LRRTM4: variants seen among roughly 807,000 people sequenced by gnomAD.
The protein encoded by LRRTM4 is leucine-rich repeat transmembrane neuronal protein 4.
A neutral mutation model predicts 47.6 loss-of-function variants in LRRTM4; 25 were observed. The ratio of observed to expected loss-of-function variants is 0.53; its 90% CI spans 0.38 to 0.73. The LOEUF (loss-of-function observed/expected upper bound fraction) is 0.73, where lower values mean the gene tolerates loss of function less well. LRRTM4 is among the 30% of genes least tolerant of loss of function. The pLI is 0.00. For synonymous variants in LRRTM4, 311 were observed against 269.5 expected (o/e 1.15, Z -1.51); for missense variants, 638 against 713.4 (o/e 0.89, Z 1.20).
At chr2:76,873,175 A>G (rs977779362) in intron 3 of LRRTM4, among the ~76,000 whole-genome samples, 2 of 152,256 alleles carry the variant, frequency 1.3e-5, no homozygotes, top group Non-Finnish European at 2.9e-5. Context: ...CTTTGTAGAC[A>G]GTGCTGATGT....
intron 3 of LRRTM4, among the ~76,000 whole-genome samples, chr2:76,874,116 T>A (rs1216604867): frequency 1.3e-5 from 2 of 152,014 alleles, no homozygotes; most frequent in South Asian, 2.1e-4. Flanking sequence ...GTCTGCTTTT[T>A]TTTTTTCTCG....
rs548444780 is a variant in LRRTM4, at chr2:77,044,504, A to T, written c.1552-295588T>A. ...TTGACATTCAAATGTTTCTTATAATAATGTATTTTTCTAAACATATGCAGA... is the reference window on the plus strand; with the variant it reads ...TTGACATTCAAATGTTTCTTATAATTATGTATTTTTCTAAACATATGCAGA... On this transcript the variant is annotated intron_variant, in intron 3 of 3. Transcript: ENST00000409884. 2.3e-4 allele frequency among the ~76,000 whole-genome samples: 35 copies of T among 151,816 alleles called. 1 individual carries two copies. The East Asian group carries it at 6.8e-3, about 29-fold the overall frequency.
At chr2:77,212,134 T>C (rs1674308375) in intron 3 of LRRTM4, among the ~76,000 whole-genome samples, 2 of 152,054 alleles carry the variant, frequency 1.3e-5, no homozygotes, top group Admixed American at 6.6e-5. Context: ...AAAAACATAC[T>C]ATTGAGCATT....
At chr2:77,314,143 T>C (rs1677551521) in intron 3 of LRRTM4, among the ~76,000 whole-genome samples, 1 of 152,198 alleles carries the variant, frequency 6.6e-6, no homozygotes, top group Non-Finnish European at 1.5e-5. Context: ...GTTTATCATA[T>C]TCAAAGCTTC....
intron 3 of LRRTM4, chr2:76,987,428 C>T (rs1448522914): frequency 6.6e-6 from 1 of 151,720 alleles, no homozygotes; most frequent in Non-Finnish European, 1.5e-5. Flanking sequence ...GCAGTGATTT[C>T]CAAATGGGAG....
chr2:77,336,164 AAAGGAAGG>A (rs771537486), intron 3 of LRRTM4, among the ~76,000 whole-genome samples: 101 of 148,720 alleles, frequency 6.8e-4, no homozygotes, highest in Middle Eastern at 6.9e-3. Context: ...AGGGAGAAAG[AAAGGAAGG>A]AAGGAAGGAA....
At chr2:77,191,728 T>C (rs967157550) in intron 3 of LRRTM4, among the ~76,000 whole-genome samples, 3 of 152,030 alleles carry the variant, frequency 2.0e-5, no homozygotes, top group Admixed American at 6.5e-5. Flanking sequence ...AATTATCATA[T>C]GGAAGATTTG....
chr2:76,757,817 C>G (rs1467270671), intron 3 of LRRTM4, among the ~76,000 whole-genome samples: 1 of 152,130 alleles, frequency 6.6e-6, no homozygotes, highest in African/African-American at 2.4e-5. Context: ...ATTACTTGGG[C>G]ACAAATTCCC....
chr2:77,449,852 G>A (rs555050431), intron 3 of LRRTM4, among the ~76,000 whole-genome samples: 9 of 152,222 alleles, frequency 5.9e-5, no homozygotes, highest in South Asian at 4.1e-4. Context: ...CTCAATTCCC[G>A]TCTCTCCAGC....
At chr2:77,090,688 T>C (rs12618013) in intron 3 of LRRTM4, among the ~76,000 whole-genome samples, 38,774 of 151,990 alleles carry the variant, frequency 0.26, 8,518 homozygotes, top group African/African-American at 0.57. Context: ...CCAAGGAATG[T>C]CTGCAGCCCA....
chr2:77,085,257 A>T (rs967187916), intron 3 of LRRTM4, among the ~76,000 whole-genome samples: 1 of 151,962 alleles, frequency 6.6e-6, no homozygotes, highest in Non-Finnish European at 1.5e-5. Flanking sequence ...TGATACATTA[A>T]TTTCATAGTA....
At chr2:76,772,022 A>G (rs895797848) in intron 3 of LRRTM4, among the ~76,000 whole-genome samples, 3 of 152,222 alleles carry the variant, frequency 2.0e-5, no homozygotes, top group Non-Finnish European at 2.9e-5. Flanking sequence ...TTATGTAAGA[A>G]TGGTGTTATG....
intron 3 of LRRTM4, among the ~76,000 whole-genome samples, chr2:76,950,270 T>C (rs887227720): frequency 2.0e-5 from 3 of 151,958 alleles, no homozygotes; most frequent in Non-Finnish European, 4.4e-5. Flanking sequence ...AAGGTCTCTA[T>C]GGTAATGTTA....
At position 77,017,171 on chromosome 2, in the gene LRRTM4, G is replaced by A. The variant is rs190656974; in HGVS notation, c.1552-268255C>T. Among the ~76,000 whole-genome samples, 327 of 152,058 alleles carry A rather than the reference G, an allele frequency of 2.2e-3. 1 individual carries two copies. Among genetic ancestry groups the A allele is most frequent in the African/African-American group, 7.3e-3 (304 of 41,506 alleles). Reference sequence around the variant, plus strand: ...ACATCAACATAGATGAGGACATCACGGCCACAGAGATAAAGTGTGATATCC... The same window carrying A: ...ACATCAACATAGATGAGGACATCACAGCCACAGAGATAAAGTGTGATATCC... On this transcript the variant is annotated intron_variant, in intron 3 of 3. Transcript: ENST00000409884.
intron 3 of LRRTM4, among the ~76,000 whole-genome samples, chr2:76,865,332 GCT>G (rs1367429935): frequency 3.3e-5 from 5 of 152,100 alleles, no homozygotes; most frequent in African/African-American, 1.2e-4. Context: ...ATGTTTGGAT[GCT>G]CTCAGGTAGT....
intron 3 of LRRTM4, among the ~76,000 whole-genome samples, chr2:76,972,620 T>C (rs1035576442): frequency 1.3e-5 from 2 of 151,834 alleles, no homozygotes; most frequent in African/African-American, 4.8e-5. Flanking sequence ...GTTTTCACCA[T>C]ATTGGTCAGA....
At chr2:77,382,196 C>T (rs1314214645) in intron 3 of LRRTM4, among the ~76,000 whole-genome samples, 1 of 152,034 alleles carries the variant, frequency 6.6e-6, no homozygotes, top group Non-Finnish European at 1.5e-5. Flanking sequence ...TATGGCAGAT[C>T]TGCTAAATAT....
At chr2:77,360,595 T>C (rs180686718) in intron 3 of LRRTM4, among the ~76,000 whole-genome samples, 6 of 149,358 alleles carry the variant, frequency 4.0e-5, no homozygotes, top group African/African-American at 1.5e-4. Context: ...CATACATACA[T>C]AGTGCTTGTA....
At chr2:76,833,612 T>A (rs1036756791) in intron 3 of LRRTM4, among the ~76,000 whole-genome samples, 1 of 151,940 alleles carries the variant, frequency 6.6e-6, no homozygotes. Context: ...TATAATAATA[T>A]TGTAAGATAT....
Sources: gnomAD v4.1 joint callset for allele counts (sites outside exome capture counted in the v4.1 genomes callset) on GRCh38, gnomAD v4.1.1 for gene constraint, MANE v1.5 for transcripts, NCBI Gene and HGNC (gene_info 2026-07-23, HGNC 2026-07-21) for gene names.